The following WNK1 variants were observed in gnomAD, a reference collection of about 807,000 sequenced individuals.
WNK1 encodes the protein serine/threonine-protein kinase WNK1.
Under a neutral mutation model 222.8 loss-of-function variants are expected in WNK1, and 38 were observed. The ratio of observed to expected loss-of-function variants is 0.17; its 90% CI spans 0.13 to 0.22. The LOEUF (loss-of-function observed/expected upper bound fraction) is 0.22. Ranked by LOEUF, WNK1 falls within the 10% of genes least tolerant of loss-of-function variation. WNK1 has a pLI of 1.00. For synonymous variants in WNK1, 1,090 were observed against 1,092.9 expected (o/e 1.00, Z 0.05); for missense variants, 2,348 against 2,918.4 (o/e 0.80, Z 4.50).
chr12:804,912 A>ATTTTTATATT, intron 1 of WNK1, among the ~76,000 whole-genome samples: 1 of 146,976 alleles, frequency 6.8e-6, no homozygotes, highest in African/African-American at 2.5e-5. Context: ...TTTATATTTT[A>ATTTTTATATT]TATATATAAT....
At chr12:831,555 C>T (rs570656027) in intron 4 of WNK1, among the ~76,000 whole-genome samples, 14 of 151,226 alleles carry the variant, frequency 9.3e-5, no homozygotes, top group African/African-American at 2.7e-4. Context: ...AAAAAAAATT[C>T]CTTTGTCTTC....
intron 8 of WNK1, among the ~76,000 whole-genome samples, chr12:865,897 AAC>A (rs1951627590): frequency 6.6e-6 from 1 of 152,168 alleles, no homozygotes; most frequent in African/African-American, 2.4e-5. Flanking sequence ...CAAACCAAAG[AAC>A]TACATAATGT....
intron 1 of WNK1, among the ~76,000 whole-genome samples, chr12:760,156 T>A (rs1040675378): frequency 8.8e-5 from 13 of 148,446 alleles, no homozygotes; most frequent in African/African-American, 3.1e-4. Context: ...CCAATCTTTC[T>A]GAACTGCTTA....
chr12:791,250 CACACACAT>C (rs939688415), intron 1 of WNK1, among the ~76,000 whole-genome samples: 1 of 151,760 alleles, frequency 6.6e-6, no homozygotes, highest in African/African-American at 2.4e-5. Context: ...CACACACACA[CACACACAT>C]ACACAAAATT....
chr12:773,408 C>A (rs1048702678), intron 1 of WNK1, among the ~76,000 whole-genome samples: 2 of 152,084 alleles, frequency 1.3e-5, no homozygotes, highest in African/African-American at 2.4e-5. Context: ...TACTCTAGAG[C>A]ATACCAAAGA....
rs1057249592 is a variant in WNK1 at position 806,671 on chromosome 12, T to C, written c.760-6971T>C. Reference sequence around the variant, plus strand: ...GACCATGGAAATGAGATATGGGGAATCATGGAATTATAGAGATTGCCTGGG... The same window carrying C: ...GACCATGGAAATGAGATATGGGGAACCATGGAATTATAGAGATTGCCTGGG... On this transcript the variant is annotated intron_variant, in intron 1 of 27. Transcript: ENST00000315939. 9.2e-5 allele frequency among the ~76,000 whole-genome samples: 14 copies of C among 152,144 alleles called. 1 individual carries two copies. The highest frequency in any genetic ancestry group is 7.2e-4 in the Admixed American group (11 of 15,272).
intron 1 of WNK1, among the ~76,000 whole-genome samples, chr12:756,251 C>G (rs1940010285): frequency 6.6e-6 from 1 of 152,092 alleles, no homozygotes; most frequent in African/African-American, 2.4e-5. Context: ...TATTTCACTT[C>G]TGAGACTTCT....
chr12:804,657 GC>G (rs1007944384), intron 1 of WNK1, among the ~76,000 whole-genome samples: 120 of 152,202 alleles, frequency 7.9e-4, no homozygotes, highest in African/African-American at 2.8e-3. Context: ...ACAGGCGTGA[GC>G]CACCGTGCCT....
rs147888553 is a variant in WNK1 at position 890,363 on chromosome 12, T to G, written c.5449-90T>G. On this transcript the variant is annotated intron_variant, in intron 21 of 27. Transcript: ENST00000315939. Reference sequence around the variant, plus strand: ...CATCACATATACTGTCTTTCTGCCCTTTTACAAAGACCATAGGAAAGGCAA... The same window carrying G: ...CATCACATATACTGTCTTTCTGCCCGTTTACAAAGACCATAGGAAAGGCAA... The G allele has an allele frequency of 1.6e-4, 218 of 1,339,010 alleles. 1 individual carries two copies. In the African/African-American group the frequency reaches 2.9e-3, roughly 18 times the overall value. The allele number at this position is 1,339,010 out of a possible 1,614,324, so 82.9% of individuals were successfully genotyped here.
intron 1 of WNK1, among the ~76,000 whole-genome samples, chr12:798,440 C>T (rs1226312861): frequency 1.3e-5 from 2 of 152,184 alleles, no homozygotes; most frequent in Non-Finnish European, 2.9e-5. Context: ...GATCTGCCCG[C>T]CTCGGCCTCC....
chr12:871,159 T>A, intron 8 of WNK1, 106 bp from the exon 9 acceptor site: 1 of 1,100,086 alleles, frequency 9.1e-7, no homozygotes, highest in Non-Finnish European at 1.4e-6. Flanking sequence ...TGTTTCATTT[T>A]GATCAAGCAA....
chr12:857,306 C>T, intron 5 of WNK1, 57 bp downstream of exon 5: 4 of 1,404,510 alleles, frequency 2.8e-6, no homozygotes, highest in Non-Finnish European at 4.0e-6. Context: ...AAGTAATGTG[C>T]TTTGAGTACA....
chr12:903,937 G>T (rs1040739046), intron 26 of WNK1, among the ~76,000 whole-genome samples: 1 of 152,180 alleles, frequency 6.6e-6, no homozygotes, highest in Admixed American at 6.5e-5. Context: ...AAGGGAAGGG[G>T]TTAGTATATA....
chr12:791,474 G>A lies in WNK1; in HGVS notation c.760-22168G>A, dbSNP rs189452841. ...TACAGTATGGTTCTTTATCTAAAAC[G>A]TAGATCTTTGCTTTTCTATAATAAC... On this transcript the variant is annotated intron_variant, in intron 1 of 27. Transcript: ENST00000315939. Among the ~76,000 whole-genome samples the A allele has an allele frequency of 1.7e-3, 265 of 151,772 alleles. 2 individuals carry two copies. The highest frequency in any genetic ancestry group is 0.012 in the South Asian group (57 of 4,800).
At chr12:859,501 C>T in intron 6 of WNK1, 37 bp downstream of exon 6, 1 of 1,490,994 alleles carries the variant, frequency 6.7e-7, no homozygotes, top group African/African-American at 1.4e-5. Context: ...TTGATTTAGA[C>T]TTATATATAT....
At chr12:834,123 C>G (rs1414557551) in intron 4 of WNK1, among the ~76,000 whole-genome samples, 1 of 152,072 alleles carries the variant, frequency 6.6e-6, no homozygotes, top group African/African-American at 2.4e-5. Flanking sequence ...TTCTAAGAAG[C>G]AGGAATAGGA....
intron 25 of WNK1, 72 bp from the exon 26 acceptor site, chr12:900,404 A>G (rs546078678): frequency 7.1e-6 from 11 of 1,552,688 alleles, no homozygotes; most frequent in African/African-American, 1.4e-5. Flanking sequence ...AACCAAATGT[A>G]TAAGAACAGT....
chr12:838,803 T>G (rs727880), intron 4 of WNK1, among the ~76,000 whole-genome samples: 73,173 of 151,886 alleles, frequency 0.48, 18,429 homozygotes, highest in East Asian at 0.81. Flanking sequence ...ATTACTTAAC[T>G]AATTTTTTTT....
rs184435491 is a variant in WNK1, at chr12:845,916, A to G, written c.1312-11245A>G. On this transcript the variant is annotated intron_variant, in intron 4 of 27. Coordinates refer to ENST00000315939, the MANE Select transcript of WNK1 (RefSeq NM_018979.4). ...TCACCTTGCAAAGTGCTTTACATAT[A>G]CTGTTTTAATCTTTTATATCATGAT... Among the ~76,000 whole-genome samples the G allele has an allele frequency of 5.3e-5, 8 of 152,296 alleles. 1 individual carries two copies. Among genetic ancestry groups the G allele is most frequent in the Admixed American group, 2.6e-4 (4 of 15,292 alleles).
Sources: allele counts gnomAD v4.1 joint callset (sites outside exome capture counted in the v4.1 genomes callset), GRCh38; gene constraint gnomAD v4.1.1; transcripts MANE v1.5; gene names NCBI Gene and HGNC (gene_info 2026-07-23, HGNC 2026-07-21).